The following ABCA10 variants were observed in gnomAD, a reference collection of about 807,000 sequenced individuals.
ABCA10 encodes the protein ATP binding cassette subfamily A member 10.
In ABCA10, 169 loss-of-function variants were observed where a neutral mutation model predicts 187.5. That is an observed-to-expected ratio of 0.90 (90% CI 0.80 to 1.02). ABCA10 has a LOEUF of 1.02. ABCA10 is among the 50% of genes least tolerant of loss of function. ABCA10 has a pLI of 0.00. For synonymous variants in ABCA10, 574 were observed against 601.8 expected, an observed-to-expected ratio of 0.95 and a Z score of 0.68; for missense variants, 1,727 against 1,812.4, an observed-to-expected ratio of 0.95 and a Z score of 0.86.
At chr17:69,171,254 T>C (rs2074295711) in intron 25 of ABCA10, among the ~76,000 whole-genome samples, 1 of 152,050 alleles carries the variant, frequency 6.6e-6, no homozygotes, top group South Asian at 2.1e-4. Flanking sequence ...AAATCAAATA[T>C]GAAATATAGA....
At chr17:69,172,370 C>T (rs1227882068) in intron 25 of ABCA10, among the ~76,000 whole-genome samples, 1 of 152,080 alleles carries the variant, frequency 6.6e-6, no homozygotes, top group East Asian at 1.9e-4. Flanking sequence ...TTGCAGGAGT[C>T]CCTAACCCAA....
Position 69,148,213 on chromosome 17 carries a change from G to C in ABCA10, c.*614C>G, listed in dbSNP as rs928796703. The C allele has an allele frequency of 6.6e-6, 1 of 152,132 alleles. No individual in the cohort carries two copies. The highest frequency in any genetic ancestry group is 2.4e-5 in the African/African-American group (1 of 41,406). The allele number at this position is 152,132 out of a possible 1,614,324, so 9.4% of individuals were successfully genotyped here. ...CCTACTGATACTACCTTTGAAAAAGGATCCATAAAAAATACATTGAATATA... is the reference window on the plus strand; with the variant it reads ...CCTACTGATACTACCTTTGAAAAAGCATCCATAAAAAATACATTGAATATA... On this transcript the variant is annotated 3_prime_UTR_variant, in exon 39 of 39. Coordinates refer to ENST00000690296, the MANE Select transcript of ABCA10 (RefSeq NM_001377321.1).
At chr17:69,236,555 G>GA (rs1300063851) in intron 1 of ABCA10, among the ~76,000 whole-genome samples, 70 of 152,302 alleles carry the variant, frequency 4.6e-4, no homozygotes, top group African/African-American at 1.7e-3. Flanking sequence ...CCAGAATCAA[G>GA]AATCTACCTC....
chr17:69,199,472 A>G (rs2074528405), intron 10 of ABCA10, among the ~76,000 whole-genome samples: 1 of 152,218 alleles, frequency 6.6e-6, no homozygotes, highest in African/African-American at 2.4e-5. Flanking sequence ...GCCACTTCCT[A>G]TAGGATGTTC....
intron 25 of ABCA10, among the ~76,000 whole-genome samples, chr17:69,168,565 T>C (rs933253708): frequency 6.6e-6 from 1 of 152,216 alleles, no homozygotes; most frequent in Non-Finnish European, 1.5e-5. Flanking sequence ...AACAGTGCAG[T>C]TGATACAAAA....
Position 69,192,608 on chromosome 17 carries a change from G to A in ABCA10, c.1826C>T (p.Ser609Leu). The A allele has an allele frequency of 6.2e-7, 1 of 1,613,588 alleles. No homozygotes were observed. Among genetic ancestry groups the A allele is most frequent in the South Asian group, 1.1e-5 (1 of 91,050 alleles). ...LSNGKLKCAG[S>L]SLFLKRKWGI... Reference sequence around the variant, plus strand: ...CCACTTTCGCTTCAGAAACAAAGATGATCCTGCACATTTCAACTTCCCATT... The same window carrying A: ...CCACTTTCGCTTCAGAAACAAAGATAATCCTGCACATTTCAACTTCCCATT... Residue 609 changes from serine to leucine, a missense_variant, in exon 16 of 39, where the codon TCA becomes TTA. Coordinates refer to ENST00000690296, the MANE Select transcript of ABCA10 (RefSeq NM_001377321.1).
intron 6 of ABCA10, among the ~76,000 whole-genome samples, chr17:69,218,420 T>C (rs2074721981): frequency 6.6e-6 from 1 of 152,142 alleles, no homozygotes; most frequent in Non-Finnish European, 1.5e-5. Flanking sequence ...TGCTTTATTT[T>C]TCTTACCTGT....
At chr17:69,164,898 T>C in intron 26 of ABCA10, 66 bp downstream of exon 26, 2 of 1,513,148 alleles carry the variant, frequency 1.3e-6, no homozygotes, top group Non-Finnish European at 1.8e-6. Context: ...GTTCCGACAA[T>C]GGGTAAGGAT....
At chr17:69,167,376 T>C (rs1045878035) in intron 25 of ABCA10, among the ~76,000 whole-genome samples, 7 of 152,146 alleles carry the variant, frequency 4.6e-5, no homozygotes, top group East Asian at 1.9e-4. Flanking sequence ...GATTCCACCA[T>C]TGGAGATGCC....
At position 69,182,175 on chromosome 17, in the gene ABCA10, A is replaced by G. The variant is rs4968849; in HGVS notation, c.2747T>C (p.Met916Thr). Residue 916 changes from methionine to threonine, a missense_variant, in exon 22 of 39, where the codon ATG (methionine) becomes ACG (threonine). Met to Thr is a moderately conservative substitution (Grantham distance 81). Coordinates refer to ENST00000690296, the MANE Select transcript of ABCA10 (RefSeq NM_001377321.1). ...TACACGAGAAAATGAAGTGCTCTCC[A>G]TTTGAATAAGCTCCGTGAAGTTAAA... ...GIFNFTELIQ[M>T]ESTSFSRDDI... 1,136,144 of 1,581,928 alleles carry G rather than the reference A, an allele frequency of 0.72. 411,137 individuals are homozygous for G. The highest frequency in any genetic ancestry group is 0.84 in the African/African-American group (61,518 of 73,314).
chr17:69,188,480 G>A (rs560588445), intron 18 of ABCA10, among the ~76,000 whole-genome samples: 1 of 150,120 alleles, frequency 6.7e-6, no homozygotes, highest in Non-Finnish European at 1.5e-5. Context: ...TACAATGGCT[G>A]GTATCTAGTA....
In ABCA10 at chr17:69,187,791, A is replaced by G. The variant is rs765158963; in HGVS notation, c.2220T>C (p.Pro740=). Residue 740 remains proline (P), a synonymous_variant, in exon 19 of 39, where the codon CCT becomes CCC. Transcript: ENST00000690296. ...CACTACTGACAGCCTTTCTTGTTTC[A>G]GGAAGAGAACAAAGAACCTGTTCCA... ...SEMEQVLCSL[P]ETRKAVSSAA... 2 of 1,613,758 alleles carry G rather than the reference A, an allele frequency of 1.2e-6. No individual in the cohort carries two copies. The highest frequency in any genetic ancestry group is 2.7e-5 in the African/African-American group (2 of 74,936).
At position 69,219,780 on chromosome 17, in the gene ABCA10, G is replaced by A; in HGVS notation, c.304-9C>T. 1.6e-5 allele frequency: 24 copies of A among 1,503,414 alleles called. No homozygotes were observed. The highest frequency in any genetic ancestry group is 5.6e-5 in the South Asian group (4 of 71,614). The allele number at this position is 1,503,414 out of a possible 1,614,324, so 93.1% of individuals were successfully genotyped here. ...GAATGATTTGTTGTGACCTAAATTG[G>A]GACATTAGCAAATTTATTATGTGAA... On this transcript the variant is annotated splice_polypyrimidine_tract_variant and intron_variant, in intron 5 of 38. Coordinates refer to ENST00000690296, the MANE Select transcript of ABCA10 (RefSeq NM_001377321.1).
intron 3 of ABCA10, among the ~76,000 whole-genome samples, chr17:69,223,168 C>A (rs2074763922): frequency 6.6e-6 from 1 of 151,984 alleles, no homozygotes. Context: ...GTAGATATTA[C>A]TTTAGTGACT....
At chr17:69,213,415 G>A (rs1471417684) in intron 9 of ABCA10, among the ~76,000 whole-genome samples, 1 of 148,420 alleles carries the variant, frequency 6.7e-6, no homozygotes, top group Non-Finnish European at 1.5e-5. Context: ...TTGCGGGTGG[G>A]GGGAGGGTCG....
At chr17:69,242,999 G>C (rs552977171) in intron 1 of ABCA10, among the ~76,000 whole-genome samples, 6 of 152,272 alleles carry the variant, frequency 3.9e-5, no homozygotes, top group South Asian at 4.1e-4. Context: ...TTAGAAGGCA[G>C]ATCCAGGTTC....
intron 25 of ABCA10, among the ~76,000 whole-genome samples, chr17:69,172,535 G>T (rs1409198991): frequency 6.6e-6 from 1 of 152,076 alleles, no homozygotes; most frequent in African/African-American, 2.4e-5. Flanking sequence ...GTGGACTTCT[G>T]ACCTCTAGAA....
chr17:69,174,581 G>T, intron 24 of ABCA10, 26 bp downstream of exon 24: 2 of 1,554,288 alleles, frequency 1.3e-6, no homozygotes, highest in South Asian at 1.2e-5. Context: ...TATTATAATT[G>T]GCTTGTGGAA....
chr17:69,223,129 C>G (rs2074763423), intron 3 of ABCA10, among the ~76,000 whole-genome samples: 1 of 152,010 alleles, frequency 6.6e-6, no homozygotes, highest in African/African-American at 2.4e-5. Context: ...TTGCTTCATA[C>G]AAGTTTGTAC....
Sources: gnomAD v4.1 joint callset for allele counts (sites outside exome capture counted in the v4.1 genomes callset) on GRCh38, gnomAD v4.1.1 for gene constraint, MANE v1.5 for transcripts, NCBI Gene and HGNC (gene_info 2026-07-23, HGNC 2026-07-21) for gene names.